SLC12A6: variants seen among roughly 807,000 people sequenced by gnomAD.
The protein encoded by SLC12A6 is solute carrier family 12 member 6, also known as K-Cl cotransporter 3.
SLC12A6 carries 66 observed loss-of-function variants against 135.3 expected under a neutral mutation model. That is an observed-to-expected ratio of 0.49 (90% CI 0.40 to 0.60). SLC12A6 has a LOEUF of 0.60. Among genes scored for constraint, SLC12A6 ranks in the 20% least tolerant of loss-of-function variants. SLC12A6 has a pLI of 0.00. For synonymous variants in SLC12A6, 513 were observed against 508.8 expected (o/e 1.01, Z -0.11); for missense variants, 1,058 against 1,452.3 (o/e 0.73, Z 4.41).
intron 2 of SLC12A6, among the ~76,000 whole-genome samples, chr15:34,313,347 G>A (rs1888396683): frequency 6.6e-6 from 1 of 152,184 alleles, no homozygotes; most frequent in Non-Finnish European, 1.5e-5. Flanking sequence ...GATCTGGATA[G>A]AAGATCAAAC....
At chr15:34,262,022 T>A (rs1779580830) in intron 3 of SLC12A6, among the ~76,000 whole-genome samples, 1 of 152,158 alleles carries the variant, frequency 6.6e-6, no homozygotes, top group Non-Finnish European at 1.5e-5. Context: ...GGAAAATAAA[T>A]CATTCTACCA....
intron 3 of SLC12A6, among the ~76,000 whole-genome samples, chr15:34,263,498 T>TA (rs1287519395): frequency 1.3e-5 from 2 of 152,228 alleles, no homozygotes; most frequent in South Asian, 4.1e-4. Context: ...CATTTTTTTT[T>TA]AATGTTAAAA....
intron 2 of SLC12A6, among the ~76,000 whole-genome samples, chr15:34,333,801 T>C (rs1383579533): frequency 6.6e-6 from 1 of 152,126 alleles, no homozygotes; most frequent in Admixed American, 6.5e-5. Context: ...CTGGGCGCTG[T>C]GGCTCACGCC....
chr15:34,233,678 ATAT>A lies in SLC12A6; in HGVS notation c.*200_*202del. The A allele has an allele frequency of 1.7e-6, 1 of 573,546 alleles. No homozygotes were observed. The highest frequency in any genetic ancestry group is 2.0e-5 in the South Asian group (1 of 50,870). The allele number at this position is 573,546 out of a possible 1,614,324, so 35.5% of individuals were successfully genotyped here. ...TGAGCATTGTTCTGATGTTGAGGGA[ATAT>A]TTGCTTTTTCTGTAATGACTGCAGA... On this transcript the variant is annotated 3_prime_UTR_variant, in exon 26 of 26. Transcript: ENST00000354181.
At chr15:34,251,526 C>T (rs1231952103) in intron 10 of SLC12A6, among the ~76,000 whole-genome samples, 2 of 152,198 alleles carry the variant, frequency 1.3e-5, no homozygotes, top group African/African-American at 4.8e-5. Flanking sequence ...GGATTACAGG[C>T]ATAACCCACG....
intron 13 of SLC12A6, among the ~76,000 whole-genome samples, chr15:34,247,229 T>C (rs1206691443): frequency 1.3e-5 from 2 of 152,090 alleles, no homozygotes; most frequent in Admixed American, 6.6e-5. Context: ...CAAAAAGTAG[T>C]GTGCAAGGCT....
chr15:34,318,279 T>C (rs1888792221), intron 2 of SLC12A6, among the ~76,000 whole-genome samples: 1 of 152,266 alleles, frequency 6.6e-6, no homozygotes, highest in Non-Finnish European at 1.5e-5. Context: ...AATTGACTTC[T>C]GTGTCTTTCT....
Position 34,254,353 on chromosome 15 carries a change from G to A in SLC12A6, c.1113C>T (p.His371=), listed in dbSNP as rs1595438667. ...GAIKSSFAPP[H]FPVCMLGNRT... is the part of the protein sequence containing the mutation. The stretch of plus-strand genomic sequence containing the variant: ...GCAGAGAGACAGACACGTACGGGAA[G>A]TGTGGAGGAGCAAAAGAAGACTTGA... The change falls in exon 9 of 26, where the codon CAC becomes CAT. Residue 371 remains histidine (H), a synonymous_variant. Coordinates refer to ENST00000354181, the MANE Select transcript of SLC12A6 (RefSeq NM_001365088.1). The A allele has an allele frequency of 1.9e-6, 3 of 1,613,312 alleles. No individual in the cohort carries two copies. Among genetic ancestry groups the A allele is most frequent in the African/African-American group, 1.3e-5 (1 of 75,042 alleles).
intron 2 of SLC12A6, among the ~76,000 whole-genome samples, chr15:34,313,145 T>C (rs1004501596): frequency 6.6e-6 from 1 of 152,218 alleles, no homozygotes; most frequent in Non-Finnish European, 1.5e-5. Flanking sequence ...AATCAAAAGC[T>C]TGAAATGATT....
rs200355116 is a variant in SLC12A6 at position 34,318,622 on chromosome 15, C to T, written c.271+17788G>A. The T allele has an allele frequency of 2.5e-6, 4 of 1,613,662 alleles. No individual in the cohort carries two copies. The African/African-American group carries it at 4.0e-5, about 16-fold the overall frequency. ...CTGCTAAACTAGGCTCTTGAGAGAT[C>T]GAAGCCGCTGCCCCCTCCTCTGGGT... On this transcript the variant is annotated intron_variant, in intron 2 of 25. Coordinates refer to ENST00000354181, the MANE Select transcript of SLC12A6 (RefSeq NM_001365088.1).
intron 3 of SLC12A6, among the ~76,000 whole-genome samples, chr15:34,263,907 G>A (rs1295701455): frequency 6.6e-6 from 1 of 151,758 alleles, no homozygotes; most frequent in African/African-American, 2.4e-5. Context: ...GGATTGAAAT[G>A]CAAATTTATG....
At chr15:34,300,158 G>C (rs1896143413) in intron 2 of SLC12A6, among the ~76,000 whole-genome samples, 1 of 152,174 alleles carries the variant, frequency 6.6e-6, no homozygotes, top group Non-Finnish European at 1.5e-5. Flanking sequence ...CTAGAGCACA[G>C]GTGTATGGAT....
At chr15:34,250,825 G>C (rs962701020) in intron 11 of SLC12A6, 74 bp downstream of exon 11, 17 of 1,423,006 alleles carry the variant, frequency 1.2e-5, no homozygotes, top group Non-Finnish European at 1.7e-5. Context: ...GGAACCCTGA[G>C]AATTCTGCCT....
In SLC12A6 at chr15:34,245,313, G is replaced by A. The variant is rs751639204; in HGVS notation, c.1915C>T (p.Leu639=). ...GAAAGAATTGGGGCCACAAGATCCA[G>A]GGAGGCAATGAGTATTCCAAGCTCT... The part of the protein sequence containing the change: ...IAELGILIAS[L]DLVAPILSMF... The change falls in exon 15 of 26, where the codon CTG becomes TTG. Residue 639 remains leucine, a synonymous_variant. Transcript: ENST00000354181. 1 of 1,603,956 alleles carries A rather than the reference G, an allele frequency of 6.2e-7. No homozygotes were observed. The highest frequency in any genetic ancestry group is 1.1e-5 in the South Asian group (1 of 90,900).
At chr15:34,333,479 C>T (rs1889999129) in intron 2 of SLC12A6, among the ~76,000 whole-genome samples, 2 of 151,986 alleles carry the variant, frequency 1.3e-5, no homozygotes, top group South Asian at 4.1e-4. Flanking sequence ...AATCCACCCG[C>T]CTCGGCCTCC....
intron 2 of SLC12A6, among the ~76,000 whole-genome samples, chr15:34,283,290 C>T (rs528354607): frequency 5.9e-5 from 9 of 152,086 alleles, no homozygotes; most frequent in Admixed American, 5.2e-4. Flanking sequence ...TTGCAGTGAC[C>T]GGAGACTGCA....
intron 15 of SLC12A6, 100 bp from the exon 16 acceptor site, chr15:34,244,172 C>T: frequency 2.6e-6 from 2 of 773,940 alleles, no homozygotes; most frequent in East Asian, 5.1e-5. Context: ...TGTTTCTAGA[C>T]AACTAACCCT....
chr15:34,332,667 C>G (rs1243594596), intron 2 of SLC12A6, among the ~76,000 whole-genome samples: 1 of 151,948 alleles, frequency 6.6e-6, no homozygotes, highest in Non-Finnish European at 1.5e-5. Flanking sequence ...CCTGTAATCC[C>G]AGCTACTTGG....
intron 2 of SLC12A6, among the ~76,000 whole-genome samples, chr15:34,300,232 C>T (rs1320446915): frequency 6.6e-6 from 1 of 151,868 alleles, no homozygotes; most frequent in Non-Finnish European, 1.5e-5. Flanking sequence ...CTGGTAAGAA[C>T]TTATGAAGAA....
Sources: gnomAD v4.1 joint callset for allele counts (sites outside exome capture counted in the v4.1 genomes callset) on GRCh38, gnomAD v4.1.1 for gene constraint, MANE v1.5 for transcripts, NCBI Gene and HGNC (gene_info 2026-07-23, HGNC 2026-07-21) for gene names.